FBXO42: variants seen among roughly 807,000 people sequenced by gnomAD.
The protein encoded by FBXO42 is F-box protein 42, also known as F-box only protein 42.
In FBXO42, 12 loss-of-function variants were observed where a neutral mutation model predicts 71.7. The observed-to-expected ratio is 0.17, with a 90% CI of 0.11 to 0.27. The LOEUF (loss-of-function observed/expected upper bound fraction) is 0.27, where lower values mean the gene tolerates loss of function less well. Among genes scored for constraint, FBXO42 ranks in the 10% least tolerant of loss-of-function variants. The pLI is 1.00. For synonymous variants in FBXO42, 325 were observed against 327.5 expected, an observed-to-expected ratio of 0.99 and a Z score of 0.08; for missense variants, 707 against 911.9, an observed-to-expected ratio of 0.78 and a Z score of 2.89.
intron 4 of FBXO42, among the ~76,000 whole-genome samples, chr1:16,291,389 T>G (rs2082076409): frequency 6.6e-6 from 1 of 152,004 alleles, no homozygotes; most frequent in Non-Finnish European, 1.5e-5. Context: ...TTTTAATTTA[T>G]TATTTTATTT....
At chr1:16,263,969 C>T (rs1310674353) in intron 4 of FBXO42, among the ~76,000 whole-genome samples, 3 of 151,960 alleles carry the variant, frequency 2.0e-5, no homozygotes, top group South Asian at 2.1e-4. Context: ...TGCTACCACA[C>T]TTGGCTAATT....
intron 3 of FBXO42, among the ~76,000 whole-genome samples, chr1:16,296,783 G>A (rs1431217065): frequency 6.6e-6 from 1 of 151,812 alleles, no homozygotes; most frequent in Non-Finnish European, 1.5e-5. Flanking sequence ...ATATTTTTAA[G>A]GTCTCTTCTG....
intron 4 of FBXO42, among the ~76,000 whole-genome samples, chr1:16,283,287 G>T (rs2081983581): frequency 6.6e-6 from 1 of 152,034 alleles, no homozygotes. Flanking sequence ...CTAAAACAAA[G>T]GGCTTGGACC....
intron 4 of FBXO42, 62 bp from the exon 5 acceptor site, chr1:16,256,821 C>T: frequency 6.4e-7 from 1 of 1,562,712 alleles, no homozygotes; most frequent in Non-Finnish European, 8.8e-7. Context: ...CGTAGTTAGG[C>T]TATCCATAGA....
chr1:16,323,579 T>C (rs1400433299), intron 1 of FBXO42, among the ~76,000 whole-genome samples: 2 of 148,724 alleles, frequency 1.3e-5, no homozygotes, highest in Non-Finnish European at 3.0e-5. Flanking sequence ...CGCGGATCTT[T>C]TGAGGTCAGG....
In FBXO42 at chr1:16,250,538, T is replaced by G; in HGVS notation, c.*132A>C. The G allele has an allele frequency of 1.2e-6, 1 of 839,734 alleles. No homozygotes were observed. The highest frequency in any genetic ancestry group is 1.8e-6 in the Non-Finnish European group (1 of 563,008). The allele number at this position is 839,734 out of a possible 1,614,324, so 52.0% of individuals were successfully genotyped here. ...ATGGAGATTTGATCCCAGCCTGGAGTGACTTCGGTTGGGAATTAAAGAGTT... is the reference window on the plus strand; with the variant it reads ...ATGGAGATTTGATCCCAGCCTGGAGGGACTTCGGTTGGGAATTAAAGAGTT... On this transcript the variant is annotated 3_prime_UTR_variant, in exon 10 of 10. Transcript: ENST00000375592. This position sits in a 1 kb window ranked among gnomAD's most constrained non-coding sequence, Gnocchi z 4.7.
intron 1 of FBXO42, among the ~76,000 whole-genome samples, chr1:16,343,554 TAA>T (rs1382244326): frequency 2.6e-5 from 4 of 151,692 alleles, no homozygotes; most frequent in Admixed American, 1.3e-4. Flanking sequence ...TCTAAAAAAA[TAA>T]AAATCAAAAA....
At chr1:16,287,790 T>C (rs1010886149) in intron 4 of FBXO42, among the ~76,000 whole-genome samples, 5 of 151,924 alleles carry the variant, frequency 3.3e-5, no homozygotes, top group African/African-American at 9.7e-5. Flanking sequence ...TTGTTTTCAG[T>C]GTCAAACTCT....
intron 1 of FBXO42, among the ~76,000 whole-genome samples, chr1:16,324,362 C>A (rs1431848690): frequency 1.3e-5 from 2 of 152,110 alleles, no homozygotes; most frequent in East Asian, 3.8e-4. Flanking sequence ...GATGGACCCA[C>A]TAAGGGCCAA....
chr1:16,350,573 CAAAAAAAAAAA>C (rs60358251), intron 1 of FBXO42, among the ~76,000 whole-genome samples: 5 of 66,792 alleles, frequency 7.5e-5, no homozygotes, highest in Admixed American at 2.2e-4. Context: ...ACTAAAATTA[CAAAAAAAAAAA>C]AAAAAAAAAA....
intron 1 of FBXO42, among the ~76,000 whole-genome samples, chr1:16,334,820 A>G (rs2082536280): frequency 6.6e-6 from 1 of 151,806 alleles, no homozygotes; most frequent in East Asian, 1.9e-4. Flanking sequence ...ACAGGTATGC[A>G]AAAACATTCA....
intron 1 of FBXO42, among the ~76,000 whole-genome samples, chr1:16,334,026 T>C (rs1320537439): frequency 6.6e-6 from 1 of 152,224 alleles, no homozygotes; most frequent in Non-Finnish European, 1.5e-5. Flanking sequence ...GTACCATTTC[T>C]ATGAAAATAA....
In FBXO42 at chr1:16,352,274, G is replaced by T. The variant is rs947845714; in HGVS notation, c.-37C>A. The T allele has an allele frequency of 1.3e-5, 5 of 395,848 alleles. No individual in the cohort carries two copies. The highest frequency in any genetic ancestry group is 4.1e-5 in the African/African-American group (2 of 48,512). The allele number at this position is 395,848 out of a possible 1,614,324, so 24.5% of individuals were successfully genotyped here. A position where few individuals can be genotyped will look rare whatever the true frequency, so the allele number is the denominator to read the frequency against. On this transcript the variant is annotated 5_prime_UTR_variant, in exon 1 of 10. Coordinates refer to ENST00000375592, the MANE Select transcript of FBXO42 (RefSeq NM_018994.3). ...CCTCACCTGGCCCAGCCCGCTCCAC[G>T]CTCTCGGGTTCGCTCCGCTGGCGAC...
At chr1:16,332,384 C>A (rs550363530) in intron 1 of FBXO42, among the ~76,000 whole-genome samples, 19 of 151,450 alleles carry the variant, frequency 1.3e-4, no homozygotes, top group Non-Finnish European at 2.2e-4. Context: ...TATTATTCTC[C>A]AAAAAAAATG....
chr1:16,322,882 A>G (rs962231872), intron 1 of FBXO42, among the ~76,000 whole-genome samples: 40 of 152,182 alleles, frequency 2.6e-4, no homozygotes, highest in African/African-American at 9.2e-4. Context: ...CGTAACCTAG[A>G]AAGAATCAAC....
intron 6 of FBXO42, among the ~76,000 whole-genome samples, chr1:16,255,409 A>G (rs2081631303): frequency 6.6e-6 from 1 of 150,438 alleles, no homozygotes; most frequent in African/African-American, 2.5e-5. Flanking sequence ...ATCTTGGCTC[A>G]CTGCAATCGC....
At chr1:16,338,804 CTTTTTTTTTTTTTT>C (rs71574177) in intron 1 of FBXO42, among the ~76,000 whole-genome samples, 6 of 80,960 alleles carry the variant, frequency 7.4e-5, no homozygotes, top group Non-Finnish European at 1.1e-4. Context: ...TTCCATTTGT[CTTTTTTTTTTTTTT>C]TTTTTTTTTT....
At chr1:16,286,396 C>T (rs1040228296) in intron 4 of FBXO42, among the ~76,000 whole-genome samples, 1 of 152,124 alleles carries the variant, frequency 6.6e-6, no homozygotes, top group Non-Finnish European at 1.5e-5. Context: ...ACCTTCTTCC[C>T]AGGGCAGCAG....
chr1:16,302,555 G>C (rs911466426), intron 3 of FBXO42, among the ~76,000 whole-genome samples: 1 of 152,142 alleles, frequency 6.6e-6, no homozygotes, highest in African/African-American at 2.4e-5. Context: ...TGTTGCCCAG[G>C]CTGTAGTGCA....
Sources: gnomAD v4.1 joint callset for allele counts (sites outside exome capture counted in the v4.1 genomes callset) on GRCh38, gnomAD v4.1.1 for gene constraint, Gnocchi (gnomAD v3.1) non-coding constraint, MANE v1.5 for transcripts, NCBI Gene and HGNC (gene_info 2026-07-23, HGNC 2026-07-21) for gene names.